Variants in NCKAP5 observed in about 807,000 individuals in gnomAD.
The protein encoded by NCKAP5 is NCK associated protein 5, also known as nck-associated protein 5.
In NCKAP5, 92 loss-of-function variants were observed where a neutral mutation model predicts 167.0. The observed-to-expected ratio is 0.55, with a 90% confidence interval of 0.47 to 0.66. The LOEUF (loss-of-function observed/expected upper bound fraction) is 0.66. Among genes scored for constraint, NCKAP5 ranks in the 30% least tolerant of loss-of-function variants. The probability of loss-of-function intolerance (pLI) is 0.00; values close to 1 mark genes in which losing one functional copy is unlikely to be tolerated. For synonymous variants in NCKAP5, 891 were observed against 877.4 expected, an observed-to-expected ratio of 1.02 and a Z score of -0.27; for missense variants, 2,378 against 2,315.0, an observed-to-expected ratio of 1.03 and a Z score of -0.56.
At chr2:133,237,198 GATTA>G (rs1321846708) in intron 4 of NCKAP5, among the ~76,000 whole-genome samples, 2 of 152,142 alleles carry the variant, frequency 1.3e-5, no homozygotes, top group African/African-American at 2.4e-5. Flanking sequence ...TTGATACCTT[GATTA>G]ATTATGACAA....
chr2:133,490,061 A>C (rs1337878574), intron 3 of NCKAP5, among the ~76,000 whole-genome samples: 1 of 152,196 alleles, frequency 6.6e-6, no homozygotes, highest in Non-Finnish European at 1.5e-5. Context: ...CCAAGACAGA[A>C]TCCCAGTTCT....
At chr2:132,743,006 A>T (rs901358488) in intron 16 of NCKAP5, among the ~76,000 whole-genome samples, 2 of 151,932 alleles carry the variant, frequency 1.3e-5, no homozygotes, top group Admixed American at 6.6e-5. Context: ...GGATATGGGT[A>T]AAAATATATA....
In NCKAP5 at chr2:133,518,344, A is replaced by ATTTTTTTTT. The variant is rs751025050; in HGVS notation, c.-61-766_-61-758dup. On this transcript the variant is annotated intron_variant, in intron 2 of 19. Transcript: ENST00000409261. ...TAAAAGAAATGGGTTACAGTAAAGG[A>ATTTTTTTTT]TTTTTTTTTTTTTTTTTTTTTTTTT... 2.7e-3 allele frequency among the ~76,000 whole-genome samples: 200 copies of ATTTTTTTTT among 74,628 alleles called. 24 individuals are homozygous for ATTTTTTTTT. Among genetic ancestry groups the ATTTTTTTTT allele is most frequent in the East Asian group, 4.0e-3 (7 of 1,772 alleles). The allele number at this position is 74,628 out of a possible 152,430, so 49.0% of individuals were successfully genotyped here.
At chr2:133,161,688 T>A (rs1275198213) in intron 5 of NCKAP5, among the ~76,000 whole-genome samples, 1 of 152,230 alleles carries the variant, frequency 6.6e-6, no homozygotes, top group Non-Finnish European at 1.5e-5. Flanking sequence ...GAATTTCTCA[T>A]GTGAAATTTT....
At chr2:133,448,525 A>G (rs16825036) in intron 3 of NCKAP5, among the ~76,000 whole-genome samples, 15,948 of 152,248 alleles carry the variant, frequency 0.1, 1,605 homozygotes, top group African/African-American at 0.25. Flanking sequence ...TTTCTTCAAG[A>G]TTTCCCCAAA....
chr2:132,750,376 C>T (rs762894719), intron 16 of NCKAP5, among the ~76,000 whole-genome samples: 5 of 152,104 alleles, frequency 3.3e-5, no homozygotes, highest in African/African-American at 7.2e-5. Flanking sequence ...CATAACTTGG[C>T]CTTCCAATAG....
chr2:133,571,322 T>C (rs1047251399), upstream of NCKAP5, among the ~76,000 whole-genome samples: 1 of 152,096 alleles, frequency 6.6e-6, no homozygotes, highest in African/African-American at 2.4e-5. Context: ...AATACAAGTA[T>C]TTAGCTAGAC....
chr2:133,622,179 T>C, the NCKAP5 span, among the ~76,000 whole-genome samples: 1 of 152,128 alleles, frequency 6.6e-6, no homozygotes, highest in African/African-American at 2.4e-5. Flanking sequence ...GCCAACATTA[T>C]ACTGAATGGG....
intron 3 of NCKAP5, among the ~76,000 whole-genome samples, chr2:133,363,962 T>TA (rs1258081501): frequency 6.6e-6 from 1 of 152,186 alleles, no homozygotes; most frequent in East Asian, 1.9e-4. Context: ...CAATAACAAA[T>TA]ATTTATACAG....
intron 3 of NCKAP5, among the ~76,000 whole-genome samples, chr2:133,387,808 G>T (rs960178459): frequency 6.6e-6 from 1 of 152,126 alleles, no homozygotes; most frequent in Admixed American, 6.5e-5. Context: ...TTCAGTCACT[G>T]ATATCCTTTC....
At chr2:133,554,469 A>G (rs529247083) in intron 2 of NCKAP5, 1 of 152,216 alleles carries the variant, frequency 6.6e-6, no homozygotes, top group Non-Finnish European at 1.5e-5. Flanking sequence ...TGGTAATTAC[A>G]CATGTCAATT....
chr2:133,403,464 G>A lies in NCKAP5; in HGVS notation c.70-100354C>T, dbSNP rs183428458. 3.7e-4 allele frequency among the ~76,000 whole-genome samples: 56 copies of A among 152,312 alleles called. 1 individual carries two copies. The highest frequency in any genetic ancestry group is 3.4e-3 in the Middle Eastern group (1 of 294). On this transcript the variant is annotated intron_variant, in intron 3 of 19. Transcript: ENST00000409261. ...ACTAAATGTATTTAGTCTAGTCAAT[G>A]ATGTTTTATTGAGTTTTGAAAATTT... is the stretch of plus-strand genomic sequence containing the variant.
intron 6 of NCKAP5, among the ~76,000 whole-genome samples, chr2:133,008,117 T>C (rs891462248): frequency 2.0e-5 from 3 of 152,188 alleles, no homozygotes; most frequent in African/African-American, 7.2e-5. Context: ...TGTGTCCAGG[T>C]GACTCAGGGC....
chr2:133,423,403 A>G (rs1289542446), intron 3 of NCKAP5, among the ~76,000 whole-genome samples: 1 of 152,228 alleles, frequency 6.6e-6, no homozygotes, highest in African/African-American at 2.4e-5. Context: ...TTGAATCGTC[A>G]TGAAACTGAA....
intron 19 of NCKAP5, among the ~76,000 whole-genome samples, chr2:132,718,088 CTCAGACTTGTT>C (rs1410366601): frequency 6.6e-6 from 1 of 152,240 alleles, no homozygotes; most frequent in Non-Finnish European, 1.5e-5. Flanking sequence ...TACCTTCTCT[CTCAGACTTGTT>C]TCAGTCTGTA....
chr2:132,939,018 G>C (rs755937637), intron 8 of NCKAP5, among the ~76,000 whole-genome samples: 30 of 152,220 alleles, frequency 2.0e-4, no homozygotes, highest in South Asian at 6.2e-4. Flanking sequence ...GTATATTCAT[G>C]TTTAGTTTTT....
intron 4 of NCKAP5, among the ~76,000 whole-genome samples, chr2:133,285,761 A>G (rs1378482705): frequency 6.6e-6 from 1 of 152,190 alleles, no homozygotes; most frequent in Non-Finnish European, 1.5e-5. Context: ...AGTTAAATTC[A>G]CTTTGGCTGT....
intron 17 of NCKAP5, among the ~76,000 whole-genome samples, chr2:132,729,686 G>A (rs1690796627): frequency 6.6e-6 from 1 of 152,124 alleles, no homozygotes; most frequent in Non-Finnish European, 1.5e-5. Context: ...ATTAAAGAGA[G>A]TTTCCCCACT....
chr2:132,919,548 T>C (rs576495138), intron 8 of NCKAP5, among the ~76,000 whole-genome samples: 9 of 152,208 alleles, frequency 5.9e-5, no homozygotes, highest in Admixed American at 3.9e-4. Flanking sequence ...CAAGATTAAA[T>C]ACACAACATT....
Sources: allele counts gnomAD v4.1 joint callset (sites outside exome capture counted in the v4.1 genomes callset), GRCh38; gene constraint gnomAD v4.1.1; transcripts MANE v1.5; gene names NCBI Gene and HGNC (gene_info 2026-07-23, HGNC 2026-07-21).